Variants in C2orf66 observed in about 807,000 individuals in gnomAD.
C2orf66 encodes the protein uncharacterized protein C2orf66.
Under a neutral mutation model 7.0 loss-of-function variants are expected in C2orf66, and 6 were observed. The observed-to-expected ratio is 0.86, with a 90% CI of 0.47 to 1.69. The LOEUF (loss-of-function observed/expected upper bound fraction) is 1.69. C2orf66 is among the 40% of genes most tolerant of loss of function. C2orf66 has a pLI of 0.01. For synonymous variants in C2orf66, 38 were observed against 43.8 expected (o/e 0.87, Z 0.52); for missense variants, 107 against 112.0 (o/e 0.96, Z 0.20).
the C2orf66 span, among the ~76,000 whole-genome samples, chr2:196,819,643 G>A: frequency 6.6e-6 from 1 of 152,170 alleles, no homozygotes; most frequent in Non-Finnish European, 1.5e-5. Context: ...TCTTGAAGGA[G>A]GCACCATGTC....
the C2orf66 span, among the ~76,000 whole-genome samples, chr2:196,821,825 A>T: frequency 2.0e-5 from 3 of 151,720 alleles, no homozygotes; most frequent in Non-Finnish European, 4.4e-5. Flanking sequence ...AAATAAGGAC[A>T]ATTCAGATGG....
In C2orf66 at chr2:196,809,338, G is replaced by A. The variant is rs1369972657; in HGVS notation, c.-2C>T. The A allele has an allele frequency of 1.2e-6, 2 of 1,614,012 alleles. No homozygotes were observed. The highest frequency in any genetic ancestry group is 8.5e-7 in the Non-Finnish European group (1 of 1,179,900). On this transcript the variant is annotated 5_prime_UTR_variant, in exon 1 of 3. Coordinates refer to ENST00000342506, the MANE Select transcript of C2orf66 (RefSeq NM_213608.3). Reference sequence around the variant, plus strand: ...TAGCAGGAGAGGTGCTCTGGTCATGGTGGAGTGAAGCTGAGTGAAAGAGGG... The same window carrying A: ...TAGCAGGAGAGGTGCTCTGGTCATGATGGAGTGAAGCTGAGTGAAAGAGGG...
the C2orf66 span, among the ~76,000 whole-genome samples, chr2:196,817,706 A>T: frequency 6.6e-6 from 1 of 152,116 alleles, no homozygotes; most frequent in Admixed American, 6.5e-5. Context: ...CATAAGACAG[A>T]CACTCCCAGA....
chr2:196,829,836 T>G, the C2orf66 span, among the ~76,000 whole-genome samples: 1,078 of 149,066 alleles, frequency 7.2e-3, 13 homozygotes, highest in African/African-American at 0.025. Flanking sequence ...AGCGGAGCTT[T>G]CAGTGAGCCG....
chr2:196,809,306 C>G lies in C2orf66; in HGVS notation c.31G>C (p.Val11Leu). ...ACATGCCCAAGCAGCACCAGGGCAA[C>G]ACATAGTAGCAGGAGAGGTGCTCTG... The part of the protein sequence containing the change: MTRAPLLLLC[V>L]ALVLLGHVNG... Residue 11 changes from valine to leucine, a missense_variant, in exon 1 of 3, where the codon GTT (valine) becomes CTT (leucine). By Grantham distance (32) the Val-to-Leu change is conservative. Coordinates refer to ENST00000342506, the MANE Select transcript of C2orf66 (RefSeq NM_213608.3). The G allele has an allele frequency of 6.2e-7, 1 of 1,614,062 alleles. No homozygotes were observed.
the C2orf66 span, among the ~76,000 whole-genome samples, chr2:196,824,898 G>C: frequency 6.6e-6 from 1 of 152,090 alleles, no homozygotes; most frequent in Non-Finnish European, 1.5e-5. Context: ...AATATACAAG[G>C]AATCCAAGCA....
At chr2:196,831,031 C>CA in the C2orf66 span, among the ~76,000 whole-genome samples, 1 of 152,190 alleles carries the variant, frequency 6.6e-6, no homozygotes, top group African/African-American at 2.4e-5. Context: ...CAAAGGCTTA[C>CA]AAATCAGGTC....
At chr2:196,814,914 T>C in the C2orf66 span, among the ~76,000 whole-genome samples, 1 of 152,214 alleles carries the variant, frequency 6.6e-6, no homozygotes, top group Admixed American at 6.5e-5. Context: ...GGAGTTTCCC[T>C]GATGATTAAT....
At chr2:196,826,231 T>A in the C2orf66 span, among the ~76,000 whole-genome samples, 1 of 152,226 alleles carries the variant, frequency 6.6e-6, no homozygotes, top group African/African-American at 2.4e-5. Flanking sequence ...TGACATCCAC[T>A]ATTGCCCTAA....
chr2:196,815,160 T>C, the C2orf66 span, among the ~76,000 whole-genome samples: 1 of 151,792 alleles, frequency 6.6e-6, no homozygotes, highest in African/African-American at 2.4e-5. Flanking sequence ...TGTAGAACCA[T>C]GTTTCACTAT....
the C2orf66 span, among the ~76,000 whole-genome samples, chr2:196,821,302 G>T: frequency 6.6e-6 from 1 of 152,092 alleles, no homozygotes; most frequent in Non-Finnish European, 1.5e-5. Context: ...ATATATTTCT[G>T]TTGTTTTAAG....
chr2:196,816,618 A>T, the C2orf66 span, among the ~76,000 whole-genome samples: 3 of 152,202 alleles, frequency 2.0e-5, no homozygotes, highest in South Asian at 6.2e-4. Flanking sequence ...GAGTGATGGG[A>T]TCATTCATAT....
the C2orf66 span, among the ~76,000 whole-genome samples, chr2:196,827,491 C>G: frequency 4.6e-5 from 7 of 152,084 alleles, no homozygotes; most frequent in African/African-American, 1.7e-4. Context: ...CACCCCAATC[C>G]TGTACACCAC....
the C2orf66 span, among the ~76,000 whole-genome samples, chr2:196,817,546 C>T: frequency 6.6e-6 from 1 of 152,030 alleles, no homozygotes; most frequent in Non-Finnish European, 1.5e-5. Context: ...CACGTATTGT[C>T]TTGATAAACA....
chr2:196,817,865 C>T, the C2orf66 span, among the ~76,000 whole-genome samples: 1 of 152,180 alleles, frequency 6.6e-6, no homozygotes, highest in Non-Finnish European at 1.5e-5. Context: ...TTTTGCCCAA[C>T]CCACAGGCAG....
the C2orf66 span, among the ~76,000 whole-genome samples, chr2:196,824,367 G>A: frequency 6.6e-6 from 1 of 152,052 alleles, no homozygotes; most frequent in Non-Finnish European, 1.5e-5. Flanking sequence ...AAAGGACAAA[G>A]TATGCATGAA....
chr2:196,809,166 A>G, intron 1 of C2orf66, 48 bp downstream of exon 1: 1 of 1,555,124 alleles, frequency 6.4e-7, no homozygotes, highest in East Asian at 2.3e-5. Flanking sequence ...GTAAATCCAA[A>G]GAGGCATTAG....
At chr2:196,817,785 G>A in the C2orf66 span, among the ~76,000 whole-genome samples, 1 of 152,112 alleles carries the variant, frequency 6.6e-6, no homozygotes, top group Non-Finnish European at 1.5e-5. Flanking sequence ...GCTAGGAAAA[G>A]AATTTAGTGA....
chr2:196,823,216 T>C, the C2orf66 span, among the ~76,000 whole-genome samples: 1 of 152,156 alleles, frequency 6.6e-6, no homozygotes, highest in Non-Finnish European at 1.5e-5. Context: ...GTAGATGTAG[T>C]AGGCAAGTAA....
Sources: allele counts gnomAD v4.1 joint callset (sites outside exome capture counted in the v4.1 genomes callset), GRCh38; gene constraint gnomAD v4.1.1; transcripts MANE v1.5; gene names NCBI Gene and HGNC (gene_info 2026-07-23, HGNC 2026-07-21).